Variants in OPHN1 observed in about 807,000 individuals in gnomAD.
OPHN1 encodes oligophrenin-1.
A neutral mutation model predicts 60.7 loss-of-function variants in OPHN1; 11 were observed. The observed-to-expected ratio is 0.18, with a 90% confidence interval of 0.11 to 0.30. OPHN1 has a LOEUF of 0.30. Among genes scored for constraint, OPHN1 ranks in the 10% least tolerant of loss-of-function variants. The pLI is 1.00. For missense variants in OPHN1, 449 were observed against 611.0 expected, an observed-to-expected ratio of 0.73 and a Z score of 2.80; for synonymous variants, 226 against 222.6, an observed-to-expected ratio of 1.02 and a Z score of -0.14.
intron 2 of OPHN1, among the ~76,000 whole-genome samples, chrX:68,416,908 A>T (rs1476141976): frequency 1.8e-5 from 2 of 112,064 alleles, no homozygotes; most frequent in Non-Finnish European, 3.8e-5. Flanking sequence ...CACAGACAAT[A>T]TATAAACAAA....
chrX:68,084,286 T>C (rs2076986478), intron 19 of OPHN1, among the ~76,000 whole-genome samples: 1 of 87,468 alleles, frequency 1.1e-5, no homozygotes, highest in Non-Finnish European at 2.1e-5. Flanking sequence ...AACCTATGTT[T>C]CCTTAGAGAA....
At chrX:68,228,223 C>A (rs138300286) in intron 6 of OPHN1, among the ~76,000 whole-genome samples, 8,551 of 110,837 alleles carry the variant, frequency 0.077, 884 homozygotes, top group African/African-American at 0.27. Context: ...AGTTGAATCC[C>A]TGAATAGACT....
At chrX:68,295,751 C>T (rs1309671713) in intron 3 of OPHN1, among the ~76,000 whole-genome samples, 2 of 112,024 alleles carry the variant, frequency 1.8e-5, no homozygotes, top group African/African-American at 6.5e-5. Flanking sequence ...GGGAGGAACT[C>T]TTCAGAATCC....
chrX:68,407,739 T>C (rs1188147733), intron 2 of OPHN1, among the ~76,000 whole-genome samples: 1 of 112,094 alleles, frequency 8.9e-6, no homozygotes, highest in African/African-American at 3.2e-5. Context: ...GGTATAACAA[T>C]ACAAAATTAT....
At chrX:68,287,199 G>A (rs2078047554) in intron 3 of OPHN1, among the ~76,000 whole-genome samples, 1 of 68,901 alleles carries the variant, frequency 1.5e-5, no homozygotes, top group Admixed American at 1.4e-4. Context: ...AGGGAGGGAG[G>A]GAGGAGAAGG....
chrX:68,373,664 A>G (rs745355887), intron 2 of OPHN1, among the ~76,000 whole-genome samples: 32 of 112,301 alleles, frequency 2.8e-4, no homozygotes, highest in African/African-American at 1.0e-3. Flanking sequence ...AAGTTTGTCA[A>G]TCATGAAATT....
intron 19 of OPHN1, among the ~76,000 whole-genome samples, chrX:68,090,242 C>CTGTGTGTGTGTGTGTG (rs10549357): frequency 7.3e-4 from 72 of 98,163 alleles, no homozygotes; most frequent in Non-Finnish European, 1.3e-3. Flanking sequence ...GTGTGTGTGT[C>CTGTGTGTGTGTGTGTG]TGTGTGTGTG....
At chrX:68,095,252 A>G (rs751667675) in intron 19 of OPHN1, among the ~76,000 whole-genome samples, 50 of 111,674 alleles carry the variant, frequency 4.5e-4, no homozygotes, top group Non-Finnish European at 1.5e-4. Context: ...AATTTATCAC[A>G]TCTGGGCTCT....
chrX:68,162,091 C>A (rs2147403934), intron 15 of OPHN1, among the ~76,000 whole-genome samples: 1 of 110,438 alleles, frequency 9.1e-6, no homozygotes, highest in South Asian at 3.8e-4. Context: ...AATTATAGAC[C>A]AAAAATGGTT....
intron 19 of OPHN1, among the ~76,000 whole-genome samples, chrX:68,087,889 A>G (rs1286762728): frequency 8.9e-6 from 1 of 111,887 alleles, no homozygotes; most frequent in African/African-American, 3.2e-5. Flanking sequence ...TTTGGCACAG[A>G]CCACATTAAA....
At chrX:68,408,013 C>G (rs2078752017) in intron 2 of OPHN1, among the ~76,000 whole-genome samples, 1 of 112,080 alleles carries the variant, frequency 8.9e-6, no homozygotes, top group Admixed American at 9.5e-5. Flanking sequence ...CTATGCTACC[C>G]AGGCTGGACT....
intron 3 of OPHN1, among the ~76,000 whole-genome samples, chrX:68,297,158 T>C (rs986923549): frequency 8.9e-6 from 1 of 111,894 alleles, no homozygotes; most frequent in Non-Finnish European, 1.9e-5. Flanking sequence ...TTCCAACTGA[T>C]AGGCAAGTAG....
chrX:68,331,046 TATAC>T (rs1044196482), intron 2 of OPHN1, among the ~76,000 whole-genome samples: 10 of 105,278 alleles, frequency 9.5e-5, no homozygotes, highest in African/African-American at 3.4e-4. Flanking sequence ...TCATATATAA[TATAC>T]ATAAGATGTA....
chrX:68,178,127 C>A (rs1315779876), intron 15 of OPHN1, among the ~76,000 whole-genome samples: 1 of 111,689 alleles, frequency 9.0e-6, no homozygotes, highest in African/African-American at 3.3e-5. Context: ...CATTTTTATT[C>A]CTTTGCCTAG....
rs1602212042 is a variant in OPHN1 at position 68,174,564 on chromosome X, C to T, written c.1276+18355G>A. ...GCAGCTTACTGCAGCCTCGACCTCC[C>T]GTGCATAAGCAATCCTCCCACCTCA... On this transcript the variant is annotated intron_variant, in intron 15 of 24. Coordinates refer to ENST00000355520, the MANE Select transcript of OPHN1 (RefSeq NM_002547.3). Among the ~76,000 whole-genome samples, 4 of 105,497 alleles carry T rather than the reference C, an allele frequency of 3.8e-5. 2 individuals carry two copies. 91.6% of individuals were successfully genotyped at this position (105,497 alleles called of 115,157 possible).
At chrX:68,429,492 G>A (rs1409640981) in intron 2 of OPHN1, among the ~76,000 whole-genome samples, 1 of 110,943 alleles carries the variant, frequency 9.0e-6, no homozygotes, top group Non-Finnish European at 1.9e-5. Flanking sequence ...GAGAGGCCGT[G>A]GTGGGAGGCT....
chrX:68,121,954 C>T (rs1178300063), intron 15 of OPHN1, among the ~76,000 whole-genome samples: 1 of 109,014 alleles, frequency 9.2e-6, no homozygotes, highest in Non-Finnish European at 1.9e-5. Flanking sequence ...AATGGAAGAA[C>T]CCAGTCCTGG....
chrX:68,140,876 C>A (rs1453889891), intron 15 of OPHN1, among the ~76,000 whole-genome samples: 1 of 111,452 alleles, frequency 9.0e-6, no homozygotes, highest in Non-Finnish European at 1.9e-5. Flanking sequence ...ATGCAGCTAA[C>A]TTCAGACAAT....
intron 6 of OPHN1, among the ~76,000 whole-genome samples, chrX:68,225,202 G>A (rs1356492231): frequency 1.8e-5 from 2 of 111,998 alleles, no homozygotes; most frequent in Non-Finnish European, 3.8e-5. Flanking sequence ...TGAGGCTTGA[G>A]TAGGTAAACA....
Sources: allele counts gnomAD v4.1 joint callset (sites outside exome capture counted in the v4.1 genomes callset), GRCh38; gene constraint gnomAD v4.1.1; transcripts MANE v1.5; gene names NCBI Gene and HGNC (gene_info 2026-07-23, HGNC 2026-07-21).